SYN3: variants seen among roughly 807,000 people sequenced by gnomAD.
SYN3 encodes the protein synapsin III, also known as synapsin-3.
A neutral mutation model predicts 65.8 loss-of-function variants in SYN3; 35 were observed. The ratio of observed to expected loss-of-function variants is 0.53; its 90% CI spans 0.41 to 0.70. The LOEUF (loss-of-function observed/expected upper bound fraction) is 0.70. SYN3 is among the 30% of genes least tolerant of loss of function. SYN3 has a pLI of 0.00. For missense variants in SYN3, 680 were observed against 749.0 expected, an observed-to-expected ratio of 0.91 and a Z score of 1.08; for synonymous variants, 270 against 292.9, an observed-to-expected ratio of 0.92 and a Z score of 0.80.
At chr22:33,028,676 GTGGTGGTGGTGGTGA>G (rs1374511261) in intron 1 of SYN3, among the ~76,000 whole-genome samples, 2,117 of 100,844 alleles carry the variant, frequency 0.021, 113 homozygotes, top group African/African-American at 0.069. Context: ...GGTGGTGGTG[GTGGTGGTGGTGGTGA>G]TGGTGGTGGT....
At chr22:32,846,424 C>G (rs755573234) in intron 6 of SYN3, among the ~76,000 whole-genome samples, 7 of 152,168 alleles carry the variant, frequency 4.6e-5, no homozygotes, top group Non-Finnish European at 8.8e-5. Flanking sequence ...ATGGTATGCC[C>G]TAAGATGGAA....
At chr22:32,830,477 C>G (rs2047540307) in intron 6 of SYN3, among the ~76,000 whole-genome samples, 2 of 152,146 alleles carry the variant, frequency 1.3e-5, no homozygotes, top group African/African-American at 4.8e-5. Flanking sequence ...ATGTCTTTGC[C>G]CTGTGTGCCC....
At position 33,006,256 on chromosome 22, in the gene SYN3, T is replaced by G. The variant is rs547192932; in HGVS notation, c.311+96A>C. 11 of 1,401,576 alleles carry G rather than the reference T, an allele frequency of 7.8e-6. No homozygotes were observed. The African/African-American group carries it at 1.1e-4, about 15-fold the overall frequency. The allele number at this position is 1,401,576 out of a possible 1,614,324, so 86.8% of individuals were successfully genotyped here. ...GCCAGGCTCTGATAGCACCCAAGCC[T>G]CTCATAGCTCTCCCCTTCTATTTCC... On this transcript the variant is annotated intron_variant, in intron 2 of 13. Transcript: ENST00000358763.
intron 6 of SYN3, among the ~76,000 whole-genome samples, chr22:32,705,052 G>A (rs757076174): frequency 6.6e-5 from 10 of 152,124 alleles, no homozygotes; most frequent in Non-Finnish European, 1.3e-4. Context: ...AAGCTCTTAC[G>A]TTGAATTAGA....
At position 32,692,669 on chromosome 22, in the gene SYN3, T is replaced by G. The variant is rs538658087; in HGVS notation, c.712-95933A>C. 5.1e-3 allele frequency among the ~76,000 whole-genome samples: 784 copies of G among 152,300 alleles called. 3 individuals carry two copies. The highest frequency in any genetic ancestry group is 8.0e-3 in the Non-Finnish European group (546 of 68,030). On this transcript the variant is annotated intron_variant, in intron 6 of 13. Coordinates refer to ENST00000358763, the MANE Select transcript of SYN3 (RefSeq NM_003490.4). ...GCCATTCTTTAAAGTTCAGCTCATG[T>G]GTCACTCGCTCTTCTGAAGCCTTTT...
intron 4 of SYN3, among the ~76,000 whole-genome samples, chr22:32,889,055 G>A (rs2049370763): frequency 6.6e-6 from 1 of 152,196 alleles, no homozygotes; most frequent in African/African-American, 2.4e-5. Flanking sequence ...ATCCCAAAGG[G>A]TGCCAAACAC....
At chr22:32,598,012 A>C (rs561939414) in intron 6 of SYN3, among the ~76,000 whole-genome samples, 1 of 152,252 alleles carries the variant, frequency 6.6e-6, no homozygotes, top group South Asian at 2.1e-4. Flanking sequence ...TGATTTCTAG[A>C]AGAACATTTT....
chr22:32,799,259 A>AG (rs2046504301), intron 6 of SYN3, among the ~76,000 whole-genome samples: 1 of 152,226 alleles, frequency 6.6e-6, no homozygotes, highest in African/African-American at 2.4e-5. Flanking sequence ...AAGAGAGAAC[A>AG]TCCCAACTGA....
At chr22:32,739,176 G>GGGC (rs2061371206) in intron 6 of SYN3, among the ~76,000 whole-genome samples, 1 of 137,098 alleles carries the variant, frequency 7.3e-6, no homozygotes, top group South Asian at 2.3e-4. Flanking sequence ...TGAATCACAG[G>GGGC]GGGGGGGCGG....
intron 4 of SYN3, among the ~76,000 whole-genome samples, chr22:32,891,133 G>A (rs1446448616): frequency 6.6e-6 from 1 of 152,134 alleles, no homozygotes; most frequent in Non-Finnish European, 1.5e-5. Flanking sequence ...AGGTACCAAC[G>A]AGGAGCTGAG....
intron 6 of SYN3, among the ~76,000 whole-genome samples, chr22:32,817,812 A>AT (rs1413289151): frequency 6.6e-6 from 1 of 152,188 alleles, no homozygotes; most frequent in Non-Finnish European, 1.5e-5. Context: ...TTGAAGGTCC[A>AT]TGGGGCAGGC....
chr22:32,906,885 A>G (rs187673090), intron 4 of SYN3, among the ~76,000 whole-genome samples: 1 of 152,138 alleles, frequency 6.6e-6, no homozygotes, highest in Admixed American at 6.5e-5. Context: ...TATGTGCCAC[A>G]TTTTCTTTAT....
At chr22:32,556,811 T>C (rs1215984192) in intron 7 of SYN3, among the ~76,000 whole-genome samples, 1,454 of 113,752 alleles carry the variant, frequency 0.013, 248 homozygotes, top group African/African-American at 0.032. Flanking sequence ...CTGGTTTTTT[T>C]TTTTTTTTTT....
intron 7 of SYN3, among the ~76,000 whole-genome samples, chr22:32,547,034 A>T (rs1446711143): frequency 6.6e-6 from 1 of 152,016 alleles, no homozygotes; most frequent in Non-Finnish European, 1.5e-5. Context: ...GCTGGAGCGC[A>T]GTGGCACAGT....
chr22:32,791,401 G>T (rs1324223748), intron 6 of SYN3, among the ~76,000 whole-genome samples: 4 of 152,010 alleles, frequency 2.6e-5, no homozygotes, highest in Non-Finnish European at 4.4e-5. Context: ...ATATTGACCT[G>T]GCTGAGTACT....
At chr22:32,820,505 G>A (rs1184442421) in intron 6 of SYN3, among the ~76,000 whole-genome samples, 7 of 152,124 alleles carry the variant, frequency 4.6e-5, no homozygotes, top group African/African-American at 1.7e-4. Flanking sequence ...CACCTGGCTG[G>A]TTGACTTCTT....
At chr22:32,963,314 T>C (rs2051721131) in intron 3 of SYN3, among the ~76,000 whole-genome samples, 1 of 149,054 alleles carries the variant, frequency 6.7e-6, no homozygotes, top group Non-Finnish European at 1.5e-5. Flanking sequence ...CTCAAACTCC[T>C]GGCCTCATGT....
chr22:32,576,930 C>G (rs1196674538), intron 7 of SYN3, among the ~76,000 whole-genome samples: 1 of 151,926 alleles, frequency 6.6e-6, no homozygotes, highest in Non-Finnish European at 1.5e-5. Flanking sequence ...GAAGATAAAG[C>G]CTGTATTCTA....
At chr22:32,729,937 G>T (rs1162157425) in intron 6 of SYN3, among the ~76,000 whole-genome samples, 3 of 152,254 alleles carry the variant, frequency 2.0e-5, no homozygotes, top group Non-Finnish European at 2.9e-5. Context: ...GTACTTAATA[G>T]TGTGCCCTAA....
Sources: gnomAD v4.1 joint callset for allele counts (sites outside exome capture counted in the v4.1 genomes callset) on GRCh38, gnomAD v4.1.1 for gene constraint, MANE v1.5 for transcripts, NCBI Gene and HGNC (gene_info 2026-07-23, HGNC 2026-07-21) for gene names.